The following FAM163B variants were observed in gnomAD, a reference collection of about 807,000 sequenced individuals.
FAM163B encodes the protein protein FAM163B.
Under a neutral mutation model 7.6 loss-of-function variants are expected in FAM163B, and 4 were observed. The observed-to-expected ratio is 0.52, with a 90% CI of 0.26 to 1.20. FAM163B has a LOEUF of 1.20. Ranked by LOEUF, FAM163B falls within the 50% of genes most tolerant of loss-of-function variation. The pLI is 0.14. For missense variants in FAM163B, 250 were observed against 243.0 expected (o/e 1.03, Z -0.19); for synonymous variants, 120 against 111.6 (o/e 1.07, Z -0.47).
In FAM163B at chr9:133,579,201, G is replaced by A; in HGVS notation, c.322C>T (p.Pro108Ser). 1 of 1,612,090 alleles carries A rather than the reference G, an allele frequency of 6.2e-7. No homozygotes were observed. Among genetic ancestry groups the A allele is most frequent in the Admixed American group, 1.7e-5 (1 of 59,992 alleles). ...TTCAGCACGTCCTCTTCCTCCTCCG[G>A]CGGCTCCTGCAGGAAGAAGGTGGGG... ...EPPTFFLQEP[P>S]EEEEDVLNGG... Residue 108 changes from proline (P) to serine (S), a missense_variant, in exon 3 of 3, where the codon CCG becomes TCG. Transcript: ENST00000673969.
intron 1 of FAM163B, among the ~76,000 whole-genome samples, chr9:133,584,058 G>A (rs1290806269): frequency 2.2e-5 from 3 of 133,394 alleles, no homozygotes; most frequent in Middle Eastern, 3.7e-3. Context: ...TCCCCCCCCC[G>A]GACCTACCAC....
Position 133,579,215 on chromosome 9 carries a change from A to G in FAM163B, c.308T>C (p.Phe103Ser), listed in dbSNP as rs1381831590. The G allele has an allele frequency of 6.2e-7, 1 of 1,611,934 alleles. No individual in the cohort carries two copies. Among genetic ancestry groups the G allele is most frequent in the South Asian group, 1.1e-5 (1 of 91,008 alleles). ...SCSHCEPPTF[F>S]LQEPPEEEED... ...TTCCTCCTCCGGCGGCTCCTGCAGG[A>G]AGAAGGTGGGGGGCTCGCAGTGGGA... Residue 103 changes from phenylalanine (F) to serine (S), a missense_variant, in exon 3 of 3, where the codon TTC (phenylalanine) becomes TCC (serine). Phe to Ser is a radical substitution (Grantham distance 155, BLOSUM62 -2). Transcript: ENST00000673969.
chr9:133,591,550 C>T (rs545611621), intron 1 of FAM163B, among the ~76,000 whole-genome samples: 11 of 152,322 alleles, frequency 7.2e-5, no homozygotes, highest in Middle Eastern at 3.4e-3. Context: ...CCATAGCACC[C>T]GTCCCTCACA....
At chr9:133,590,145 C>T (rs1831526779) in intron 1 of FAM163B, among the ~76,000 whole-genome samples, 1 of 87,238 alleles carries the variant, frequency 1.1e-5, no homozygotes, top group African/African-American at 4.6e-5. Context: ...CTCCCCTTCC[C>T]CTCCCCTTCC....
chr9:133,598,696 A>G (rs931199800), intron 1 of FAM163B, among the ~76,000 whole-genome samples: 2 of 152,132 alleles, frequency 1.3e-5, no homozygotes, highest in Admixed American at 6.5e-5. Context: ...TCCTTGGCAC[A>G]CTGTAGTTTT....
chr9:133,588,478 C>T (rs1378550049), intron 1 of FAM163B, among the ~76,000 whole-genome samples: 1 of 57,148 alleles, frequency 1.7e-5, no homozygotes, highest in Non-Finnish European at 3.7e-5. Context: ...CAGAAGAGGG[C>T]ACACCTGGGC....
chr9:133,598,891 C>T (rs1831670255), intron 1 of FAM163B, among the ~76,000 whole-genome samples: 1 of 152,130 alleles, frequency 6.6e-6, no homozygotes, highest in Non-Finnish European at 1.5e-5. Context: ...TTCAGTGGCC[C>T]CTCTCAGGCT....
intron 1 of FAM163B, among the ~76,000 whole-genome samples, chr9:133,591,591 C>T (rs78904414): frequency 7.0e-4 from 107 of 152,354 alleles, no homozygotes; most frequent in Middle Eastern, 3.4e-3. Flanking sequence ...CCCGAATGCA[C>T]TGAAACCTGG....
Position 133,600,922 on chromosome 9 carries a change from G to C in FAM163B, c.-24+8155C>G, listed in dbSNP as rs578217898. On this transcript the variant is annotated intron_variant, in intron 1 of 2. Coordinates refer to ENST00000673969, the MANE Select transcript of FAM163B (RefSeq NM_001080515.3). This position sits in a 1 kb window ranked among gnomAD's most constrained non-coding sequence, Gnocchi z 4.9. ...CAACTCTCCCTTGGTAGGGGGTAGG[G>C]GGGGAGCTTCATTGCCTCGAGTTCC... Among the ~76,000 whole-genome samples the C allele has an allele frequency of 3.9e-5, 6 of 152,266 alleles. No individual in the cohort carries two copies. Among genetic ancestry groups the C allele is most frequent in the South Asian group, 4.1e-4 (2 of 4,824 alleles).
At chr9:133,589,886 G>A (rs1831510985) in intron 1 of FAM163B, among the ~76,000 whole-genome samples, 2 of 152,094 alleles carry the variant, frequency 1.3e-5, no homozygotes, top group South Asian at 2.1e-4. Context: ...TCTCCCAGCC[G>A]TGGGTCAGGA....
chr9:133,608,443 T>C (rs1831815222), intron 1 of FAM163B, among the ~76,000 whole-genome samples: 2 of 141,372 alleles, frequency 1.4e-5, no homozygotes, highest in African/African-American at 4.9e-5. Context: ...CTAGTGTCAG[T>C]TAGGCAACCC....
At chr9:133,591,356 G>A (rs1266403969) in intron 1 of FAM163B, among the ~76,000 whole-genome samples, 1 of 152,202 alleles carries the variant, frequency 6.6e-6, no homozygotes, top group Non-Finnish European at 1.5e-5. Context: ...CAGGGCACTG[G>A]CCACCTGGGT....
At chr9:133,599,721 A>C (rs1564197008) in intron 1 of FAM163B, among the ~76,000 whole-genome samples, 1 of 149,896 alleles carries the variant, frequency 6.7e-6, no homozygotes, top group African/African-American at 2.5e-5. Flanking sequence ...GAGCATGTGC[A>C]TGTGTGTCTG....
Position 133,600,986 on chromosome 9 carries a change from G to A in FAM163B, c.-24+8091C>T, listed in dbSNP as rs989896881. ...GACATTTTGCTCTTCCCTGACATCA[G>A]CCCAAGTTCTCTCCCAAGTACCAGC... On this transcript the variant is annotated intron_variant, in intron 1 of 2. Transcript: ENST00000673969. This position sits in a 1 kb window ranked among gnomAD's most constrained non-coding sequence, Gnocchi z 4.9. 6.6e-6 allele frequency among the ~76,000 whole-genome samples: 1 copy of A among 152,088 alleles called. No individual in the cohort carries two copies. Among genetic ancestry groups the A allele is most frequent in the Non-Finnish European group, 1.5e-5 (1 of 68,016 alleles).
At chr9:133,589,739 C>T (rs1831508604) in intron 1 of FAM163B, among the ~76,000 whole-genome samples, 1 of 152,192 alleles carries the variant, frequency 6.6e-6, no homozygotes, top group Non-Finnish European at 1.5e-5. Flanking sequence ...GTGACCCCCA[C>T]CCTCACCTAG....
chr9:133,584,659 G>T (rs1831405955), intron 1 of FAM163B, among the ~76,000 whole-genome samples: 1 of 152,270 alleles, frequency 6.6e-6, no homozygotes, highest in African/African-American at 2.4e-5. Flanking sequence ...TGGCTGCTCA[G>T]GGTGGTAACG....
At chr9:133,604,723 G>A (rs1483312891) in intron 1 of FAM163B, among the ~76,000 whole-genome samples, 1 of 152,162 alleles carries the variant, frequency 6.6e-6, no homozygotes, top group East Asian at 1.9e-4. Context: ...CAGGTCTGGG[G>A]GCCTGGGAAC....
Position 133,606,067 on chromosome 9 carries a change from G to C in FAM163B, c.-24+3010C>G, listed in dbSNP as rs769039439. On this transcript the variant is annotated intron_variant, in intron 1 of 2. Coordinates refer to ENST00000673969, the MANE Select transcript of FAM163B (RefSeq NM_001080515.3). The surrounding 1 kb of genome is among the most constrained non-coding windows in gnomAD (Gnocchi z 4.0). Reference sequence around the variant, plus strand: ...ACTGAGCAGGGCTTACAAGCCTGGCGGAACCGGACCCCACCTGACTCTCCA... The same window carrying C: ...ACTGAGCAGGGCTTACAAGCCTGGCCGAACCGGACCCCACCTGACTCTCCA... 2.6e-5 allele frequency among the ~76,000 whole-genome samples: 4 copies of C among 152,168 alleles called. No individual in the cohort carries two copies. The highest frequency in any genetic ancestry group is 5.9e-5 in the Non-Finnish European group (4 of 68,036).
chr9:133,598,137 C>G (rs1319360880), intron 1 of FAM163B, among the ~76,000 whole-genome samples: 1 of 152,192 alleles, frequency 6.6e-6, no homozygotes, highest in Admixed American at 6.5e-5. Flanking sequence ...AGCTTCGAGG[C>G]CTCCCTGGGA....
Sources: allele counts gnomAD v4.1 joint callset (sites outside exome capture counted in the v4.1 genomes callset), GRCh38; gene constraint gnomAD v4.1.1; non-coding constraint Gnocchi (gnomAD v3.1); transcripts MANE v1.5; gene names NCBI Gene and HGNC (gene_info 2026-07-23, HGNC 2026-07-21).